The following TRIO variants were observed in gnomAD, a reference collection of about 807,000 sequenced individuals.
TRIO encodes trio Rho guanine nucleotide exchange factor, also known as triple functional domain protein.
In TRIO, 58 loss-of-function variants were observed where a neutral mutation model predicts 351.9. The ratio of observed to expected loss-of-function variants is 0.16; its 90% CI spans 0.13 to 0.21. The LOEUF is 0.21. Among genes scored for constraint, TRIO ranks in the 10% least tolerant of loss-of-function variants. The probability of loss-of-function intolerance (pLI) is 1.00; values close to 1 mark genes in which losing one functional copy is unlikely to be tolerated. For missense variants in TRIO, 3,201 were observed against 4,027.8 expected (o/e 0.79, Z 5.56); for synonymous variants, 1,758 against 1,595.7 (o/e 1.10, Z -2.42).
chr5:14,155,848 T>C (rs974247516), intron 1 of TRIO, among the ~76,000 whole-genome samples: 27 of 152,208 alleles, frequency 1.8e-4, no homozygotes, highest in African/African-American at 6.5e-4. Flanking sequence ...GGGGAGATAA[T>C]TTGAGGCTGT....
chr5:14,258,173 G>C (rs546619360), intron 1 of TRIO, among the ~76,000 whole-genome samples: 1 of 152,356 alleles, frequency 6.6e-6, no homozygotes, highest in South Asian at 2.1e-4. Context: ...TGCTAGTGAA[G>C]TGCAGCTTTG....
chr5:14,159,565 AT>A (rs1259967235), intron 1 of TRIO, among the ~76,000 whole-genome samples: 8 of 147,764 alleles, frequency 5.4e-5, no homozygotes, highest in East Asian at 4.0e-4. Flanking sequence ...TGAGCTTTAT[AT>A]TTTTTTTCTT....
At chr5:14,482,932 T>C (rs896807585) in intron 46 of TRIO, among the ~76,000 whole-genome samples, 159 bp downstream of exon 46, 10 of 152,256 alleles carry the variant, frequency 6.6e-5, no homozygotes, top group African/African-American at 2.4e-4. Flanking sequence ...ATTTCTCTTT[T>C]TACTGTCTGT....
intron 49 of TRIO, among the ~76,000 whole-genome samples, chr5:14,494,804 C>T (rs2126669151): frequency 6.6e-6 from 1 of 152,310 alleles, no homozygotes; most frequent in Middle Eastern, 3.4e-3. Context: ...GAGGCTGAGA[C>T]AGGAGAATTG....
chr5:14,453,239 C>T lies in TRIO; in HGVS notation c.5204-7780C>T, dbSNP rs775633058. On this transcript the variant is annotated intron_variant, in intron 34 of 56. Transcript: ENST00000344204. Reference sequence around the variant, plus strand: ...GCAGATCACAGATGGCTTTCTCATGCGCACAGCTGAACATCTTTTTAAGTG... The same window carrying T: ...GCAGATCACAGATGGCTTTCTCATGTGCACAGCTGAACATCTTTTTAAGTG... 7.9e-5 allele frequency among the ~76,000 whole-genome samples: 12 copies of T among 152,124 alleles called. No individual in the cohort carries two copies. In the South Asian group the frequency reaches 8.3e-4, roughly 11 times the overall value.
At chr5:14,409,795 A>T (rs1345926449) in intron 33 of TRIO, among the ~76,000 whole-genome samples, 2 of 147,574 alleles carry the variant, frequency 1.4e-5, no homozygotes, top group South Asian at 4.3e-4. Flanking sequence ...AGATCAGGCC[A>T]CTGCACTCCC....
chr5:14,314,645 T>C (rs1190857627), intron 8 of TRIO, among the ~76,000 whole-genome samples: 1 of 152,234 alleles, frequency 6.6e-6, no homozygotes, highest in Non-Finnish European at 1.5e-5. Context: ...CTTGCCTAGA[T>C]GATCACGAAA....
intron 1 of TRIO, among the ~76,000 whole-genome samples, chr5:14,165,712 C>G (rs1788722826): frequency 6.6e-6 from 1 of 152,160 alleles, no homozygotes; most frequent in African/African-American, 2.4e-5. Context: ...GGATGTAGCC[C>G]TTCGCAGACA....
At position 14,363,824 on chromosome 5, in the gene TRIO, C is replaced by G. The variant is rs1561394811; in HGVS notation, c.2484C>G (p.Leu828=). The G allele has an allele frequency of 6.2e-7, 1 of 1,614,190 alleles. No homozygotes were observed. Among genetic ancestry groups the G allele is most frequent in the East Asian group, 2.2e-5 (1 of 44,890 alleles). ...ATCTCACGATTGCAGAGCAGCGCCT[C>G]CAGCACCATGCAGACAAAGCCTTGA... ...TEDLTIAEQR[L]QHHADKALTM... is the part of the protein sequence containing the mutation. The change falls in exon 14 of 57, where the codon CTC becomes CTG. Residue 828 remains leucine, a synonymous_variant. Coordinates refer to ENST00000344204, the MANE Select transcript of TRIO (RefSeq NM_007118.4).
At chr5:14,304,826 G>T (rs954143041) in intron 8 of TRIO, among the ~76,000 whole-genome samples, 6 of 152,146 alleles carry the variant, frequency 3.9e-5, no homozygotes, top group African/African-American at 1.2e-4. Flanking sequence ...GCGCTTATAT[G>T]CTCAGCTGCT....
chr5:14,293,438 G>A (rs534728597), intron 6 of TRIO, among the ~76,000 whole-genome samples: 31 of 152,302 alleles, frequency 2.0e-4, no homozygotes, highest in Middle Eastern at 6.8e-3. Flanking sequence ...AGGAGCCCAC[G>A]GGGGCCCCAG....
intron 1 of TRIO, among the ~76,000 whole-genome samples, chr5:14,258,419 G>A (rs1795148770): frequency 6.6e-6 from 1 of 152,132 alleles, no homozygotes; most frequent in Non-Finnish European, 1.5e-5. Context: ...TTACTGCACT[G>A]CCGTTTTTAT....
chr5:14,316,098 A>T (rs73751340), intron 8 of TRIO, among the ~76,000 whole-genome samples: 4,965 of 152,300 alleles, frequency 0.033, 289 homozygotes, highest in African/African-American at 0.11. Context: ...ATTCTCTTTA[A>T]CATGTCTCGA....
At chr5:14,440,534 T>C (rs1423001561) in intron 34 of TRIO, among the ~76,000 whole-genome samples, 2 of 152,260 alleles carry the variant, frequency 1.3e-5, no homozygotes, top group African/African-American at 4.8e-5. Context: ...AAAGAACTTC[T>C]AAGATACGCT....
chr5:14,198,046 T>C (rs1289768512), intron 1 of TRIO, among the ~76,000 whole-genome samples: 1 of 152,174 alleles, frequency 6.6e-6, no homozygotes, highest in African/African-American at 2.4e-5. Context: ...GCTTAAATCA[T>C]GTACAGAATT....
At chr5:14,503,381 A>G (rs533069152) in intron 54 of TRIO, among the ~76,000 whole-genome samples, 1 of 152,362 alleles carries the variant, frequency 6.6e-6, no homozygotes, top group African/African-American at 2.4e-5. Context: ...GTGGCTGCAT[A>G]AAAAGTCACA....
intron 34 of TRIO, among the ~76,000 whole-genome samples, chr5:14,429,627 C>A (rs1750928203): frequency 6.6e-6 from 1 of 152,132 alleles, no homozygotes; most frequent in South Asian, 2.1e-4. Context: ...ATATGGAGAA[C>A]TTTTTTCTAA....
intron 9 of TRIO, among the ~76,000 whole-genome samples, chr5:14,325,208 ACT>A (rs1233551042): frequency 6.6e-6 from 1 of 152,012 alleles, no homozygotes; most frequent in Non-Finnish European, 1.5e-5. Context: ...GCTTTGAAAT[ACT>A]CTCCTGTTTG....
chr5:14,190,932 A>G (rs1790417605), intron 1 of TRIO, among the ~76,000 whole-genome samples: 4 of 152,158 alleles, frequency 2.6e-5, no homozygotes, highest in Admixed American at 2.6e-4. Context: ...CACTTCTCCG[A>G]TTTCCCTCAT....
Sources: gnomAD v4.1 joint callset for allele counts (sites outside exome capture counted in the v4.1 genomes callset) on GRCh38, gnomAD v4.1.1 for gene constraint, MANE v1.5 for transcripts, NCBI Gene and HGNC (gene_info 2026-07-23, HGNC 2026-07-21) for gene names.